The following SPTAN1 variants were observed in gnomAD, a reference collection of about 807,000 sequenced individuals.
SPTAN1 encodes spectrin alpha, non-erythrocytic 1.
A neutral mutation model predicts 331.3 loss-of-function variants in SPTAN1; 61 were observed. The ratio of observed to expected loss-of-function variants is 0.18; its 90% confidence interval spans 0.15 to 0.23. SPTAN1 has a LOEUF of 0.23. Ranked by LOEUF, SPTAN1 falls within the 10% of genes least tolerant of loss-of-function variation. The pLI is 1.00. For missense variants in SPTAN1, 2,043 were observed against 3,147.9 expected, an observed-to-expected ratio of 0.65 and a Z score of 8.40; for synonymous variants, 1,153 against 1,173.9, an observed-to-expected ratio of 0.98 and a Z score of 0.36.
At chr9:128,591,370 T>G (rs1203673986) in intron 21 of SPTAN1, 107 bp from the exon 22 acceptor site, 2 of 1,492,860 alleles carry the variant, frequency 1.3e-6, no homozygotes, top group African/African-American at 2.8e-5. Flanking sequence ...CCGGCCGTTT[T>G]GGACCTCTTA....
intron 31 of SPTAN1, among the ~76,000 whole-genome samples, chr9:128,606,586 C>T (rs1323779704): frequency 6.6e-6 from 1 of 150,928 alleles, no homozygotes; most frequent in Admixed American, 6.6e-5. Flanking sequence ...TGGGTTCAAG[C>T]GATTCTCCTG....
chr9:128,601,664 G>A (rs553754499), intron 27 of SPTAN1, among the ~76,000 whole-genome samples: 105 of 152,264 alleles, frequency 6.9e-4, no homozygotes, highest in African/African-American at 2.5e-3. Flanking sequence ...AAAGTAAAAA[G>A]AAATTTTAAA....
intron 3 of SPTAN1, among the ~76,000 whole-genome samples, chr9:128,570,799 G>T (rs1452518718): frequency 6.6e-6 from 1 of 152,086 alleles, no homozygotes; most frequent in Non-Finnish European, 1.5e-5. Context: ...TAGGATTACA[G>T]GCATGCGCTG....
In SPTAN1 at chr9:128,624,358, A is replaced by C; in HGVS notation, c.5863A>C (p.Lys1955Gln). 1 of 1,613,986 alleles carries C rather than the reference A, an allele frequency of 6.2e-7. No homozygotes were observed. Among genetic ancestry groups the C allele is most frequent in the Non-Finnish European group, 8.5e-7 (1 of 1,180,006 alleles). Residue 1955 changes from lysine to glutamine, a missense_variant, in exon 46 of 57, where the codon AAG (lysine) becomes CAG (glutamine). Physicochemically the swap from Lys to Gln is moderately conservative, Grantham distance 53. Coordinates refer to ENST00000372739, the MANE Select transcript of SPTAN1 (RefSeq NM_001130438.3). ...TCACCATGAGGAGAACATCTCTTCA[A>C]AGATGAAGGGCCTGAACGGGAAAGT... ...NNHHEENISS[K>Q]MKGLNGKVSD...
At chr9:128,572,985 C>T in intron 3 of SPTAN1, among the ~76,000 whole-genome samples, 1 of 152,200 alleles carries the variant, frequency 6.6e-6, no homozygotes, top group Non-Finnish European at 1.5e-5. Flanking sequence ...AACATCCACA[C>T]TTGTTTCTAA....
Position 128,615,502 on chromosome 9 carries a change from C to T in SPTAN1, c.5149-130C>T, listed in dbSNP as rs1261840795. On this transcript the variant is annotated intron_variant, in intron 40 of 56. Transcript: ENST00000372739. ...AAAATAGTGTGAGTTGATAGAATGC[C>T]AGAGGTCCACATAACAGACTTTGAG... 43 of 871,698 alleles carry T rather than the reference C, an allele frequency of 4.9e-5. No individual in the cohort carries two copies. The East Asian group carries it at 1.1e-3, about 22-fold the overall frequency. The allele number at this position is 871,698 out of a possible 1,614,324, so 54.0% of individuals were successfully genotyped here. A position where few individuals can be genotyped will look rare whatever the true frequency, so the allele number is the denominator to read the frequency against.
intron 1 of SPTAN1, among the ~76,000 whole-genome samples, chr9:128,560,866 A>G (rs1230570340): frequency 3.3e-5 from 5 of 151,656 alleles, no homozygotes; most frequent in African/African-American, 1.2e-4. Flanking sequence ...AAGTACAAAA[A>G]TTAGTCGCGT....
In SPTAN1 at chr9:128,604,967, T is replaced by C. The variant is rs1855635218; in HGVS notation, c.3720-67T>C. ...ATAAATAAATAAATAAATAAATTTT[T>C]TTTAGTGTCCTGTAATCAAGGCAGT... On this transcript the variant is annotated intron_variant, in intron 29 of 56. Transcript: ENST00000372739. 6.0e-6 allele frequency: 9 copies of C among 1,498,738 alleles called. No homozygotes were observed. The Middle Eastern group carries it at 1.1e-3, about 176-fold the overall frequency. The allele number at this position is 1,498,738 out of a possible 1,614,324, so 92.8% of individuals were successfully genotyped here.
rs1318282269 is a variant in SPTAN1, at chr9:128,625,803, A to C, written c.6104A>C (p.Gln2035Pro). 2 of 1,614,164 alleles carry C rather than the reference A, an allele frequency of 1.2e-6. No homozygotes were observed. Among genetic ancestry groups the C allele is most frequent in the Non-Finnish European group, 1.7e-6 (2 of 1,180,016 alleles). ...GACGCTGGGCTGCAGGCCTTCCAGC[A>C]GGAAGGCATTGCCAACATCACTGCC... is the stretch of plus-strand genomic sequence containing the variant. ...TFDAGLQAFQ[Q>P]EGIANITALK... The change falls in exon 48 of 57, where the codon CAG (glutamine) becomes CCG (proline). Residue 2035 changes from glutamine (Q) to proline (P), a missense_variant. By Grantham distance (76) the Gln-to-Pro change is moderately conservative. Around this residue, in one of 12 missense-constraint regions of SPTAN1, gnomAD observed 256 missense variants for 376.4 expected, o/e 0.68. Coordinates refer to ENST00000372739, the MANE Select transcript of SPTAN1 (RefSeq NM_001130438.3). This position sits in a 1 kb window ranked among gnomAD's most constrained non-coding sequence, Gnocchi z 4.1.
At chr9:128,589,724 T>C (rs951058710) in intron 21 of SPTAN1, among the ~76,000 whole-genome samples, 3 of 151,538 alleles carry the variant, frequency 2.0e-5, no homozygotes, top group Non-Finnish European at 4.4e-5. Context: ...TACAGGTGCC[T>C]GCCACCACGC....
chr9:128,609,541 A>C, intron 36 of SPTAN1, 110 bp from the exon 37 acceptor site: 1 of 1,032,470 alleles, frequency 9.7e-7, no homozygotes, highest in Non-Finnish European at 1.4e-6. Flanking sequence ...ACTGTTCCCA[A>C]ATGCTGAGCT....
intron 1 of SPTAN1, among the ~76,000 whole-genome samples, chr9:128,555,778 C>T (rs1337331567): frequency 1.3e-5 from 2 of 151,822 alleles, no homozygotes; most frequent in Non-Finnish European, 2.9e-5. Context: ...AACATATTAT[C>T]CTAGATATTT....
intron 18 of SPTAN1, 80 bp downstream of exon 18, chr9:128,584,923 C>A: frequency 6.4e-7 from 1 of 1,561,964 alleles, no homozygotes. Flanking sequence ...GCCACGTGGG[C>A]ATCACAAACC....
rs979301606 is a variant in SPTAN1, at chr9:128,585,675, G to GA, written c.2561-69dup. ...AATGAAAGTGCCGTGAACACACAGAGAAAACTTATTTTTGTCCTTCTGTGA... is the reference window on the plus strand; with the variant it reads ...AATGAAAGTGCCGTGAACACACAGAGAAAAACTTATTTTTGTCCTTCTGTGA... On this transcript the variant is annotated intron_variant, in intron 18 of 56. Coordinates refer to ENST00000372739, the MANE Select transcript of SPTAN1 (RefSeq NM_001130438.3). 164 of 1,305,576 alleles carry GA rather than the reference G, an allele frequency of 1.3e-4. 1 individual carries two copies. In the Admixed American group the frequency reaches 2.7e-3, roughly 22 times the overall value. The allele number at this position is 1,305,576 out of a possible 1,614,324, so 80.9% of individuals were successfully genotyped here.
At chr9:128,595,172 C>T (rs1854105434) in intron 24 of SPTAN1, among the ~76,000 whole-genome samples, 1 of 151,940 alleles carries the variant, frequency 6.6e-6, no homozygotes, top group African/African-American at 2.4e-5. Context: ...TACAGTGGCT[C>T]GATCTCAGCT....
chr9:128,611,615 T>G, intron 37 of SPTAN1, 99 bp from the exon 38 acceptor site: 1 of 1,439,226 alleles, frequency 6.9e-7, no homozygotes, highest in Non-Finnish European at 9.6e-7. Flanking sequence ...CCCAGTTCTT[T>G]ATGTTTGCTG....
At chr9:128,630,149 C>T (rs780450163) in intron 51 of SPTAN1, 172 bp from the exon 52 acceptor site, 9 of 790,098 alleles carry the variant, frequency 1.1e-5, no homozygotes, top group Non-Finnish European at 2.1e-5. Context: ...TGCTCCCTGC[C>T]ATCCCTCGAT....
chr9:128,579,563 G>A, intron 9 of SPTAN1, 74 bp from the exon 10 acceptor site: 1 of 1,187,492 alleles, frequency 8.4e-7, no homozygotes, highest in Non-Finnish European at 1.3e-6. Context: ...TAATGCTTAT[G>A]TAAAATTCAG....
intron 52 of SPTAN1, chr9:128,631,885 A>G (rs1859802089): frequency 1.8e-6 from 1 of 563,036 alleles, no homozygotes; most frequent in Non-Finnish European, 3.2e-6. Flanking sequence ...CTTGGCGTGC[A>G]CTGCCCTCTG....
Sources: gnomAD v4.1 joint callset for allele counts (sites outside exome capture counted in the v4.1 genomes callset) on GRCh38, gnomAD v4.1.1 for gene constraint, gnomAD v4.1.1 regional missense constraint, Gnocchi (gnomAD v3.1) non-coding constraint, MANE v1.5 for transcripts, NCBI Gene and HGNC (gene_info 2026-07-23, HGNC 2026-07-21) for gene names.